The following BAIAP2 variants were observed in gnomAD, a reference collection of about 807,000 sequenced individuals.
BAIAP2 encodes BAR/IMD domain-containing adapter protein 2.
A neutral mutation model predicts 63.0 loss-of-function variants in BAIAP2; 18 were observed. That is an observed-to-expected ratio of 0.29 (90% confidence interval 0.20 to 0.42). The LOEUF is 0.42. BAIAP2 is among the 10% of genes least tolerant of loss of function. The pLI is 1.00. For synonymous variants in BAIAP2, 386 were observed against 307.6 expected, an observed-to-expected ratio of 1.25 and a Z score of -2.67; for missense variants, 610 against 734.3, an observed-to-expected ratio of 0.83 and a Z score of 1.96.
At chr17:81,068,619 G>A (rs1015159068) in intron 3 of BAIAP2, among the ~76,000 whole-genome samples, 3 of 152,226 alleles carry the variant, frequency 2.0e-5, no homozygotes, top group Middle Eastern at 3.2e-3. Flanking sequence ...ACTGGAGCCC[G>A]TCTCAGGTGG....
rs527291901 is a variant in BAIAP2, at chr17:81,037,963, C to T, written c.54+2655C>T. 2.0e-4 allele frequency among the ~76,000 whole-genome samples: 30 copies of T among 152,338 alleles called. No homozygotes were observed. The South Asian group carries it at 3.3e-3, about 17-fold the overall frequency. On this transcript the variant is annotated intron_variant, in intron 1 of 13. Coordinates refer to ENST00000428708, the MANE Select transcript of BAIAP2 (RefSeq NM_001144888.2). ...TCCATTCCCTTGGGAGCTGTGTCCT[C>T]GGGGAATTTCATGGAAGATGAAGGG...
At position 81,106,769 on chromosome 17, in the gene BAIAP2, C is replaced by T. The variant is rs1277725947; in HGVS notation, c.1362C>T (p.Ser454=). The stretch of plus-strand genomic sequence containing the variant: ...GCCTGCAGCAAGGGAAGAGCAGCAG[C>T]ACGGGCAACCTCCTGGACAAGGACG... ...HMSLQQGKSS[S]TGNLLDKDDL... Residue 454 remains serine, a synonymous_variant, in exon 12 of 14, where the codon AGC becomes AGT. Coordinates refer to ENST00000428708, the MANE Select transcript of BAIAP2 (RefSeq NM_001144888.2). 13 of 1,612,536 alleles carry T rather than the reference C, an allele frequency of 8.1e-6. No individual in the cohort carries two copies. The East Asian group carries it at 1.3e-4, about 17-fold the overall frequency.
intron 6 of BAIAP2, among the ~76,000 whole-genome samples, chr17:81,095,917 ACT>A (rs1173581396): frequency 6.6e-6 from 1 of 151,470 alleles, no homozygotes; most frequent in Non-Finnish European, 1.5e-5. Context: ...CCCTCGCTGT[ACT>A]CTCCCCTGGG....
intron 3 of BAIAP2, among the ~76,000 whole-genome samples, chr17:81,074,913 G>A (rs965554908): frequency 6.6e-6 from 1 of 152,262 alleles, no homozygotes; most frequent in African/African-American, 2.4e-5. Flanking sequence ...TGTTTGCTCT[G>A]CTATCCCTGC....
At chr17:81,047,173 G>A (rs2047934133) in intron 1 of BAIAP2, among the ~76,000 whole-genome samples, 1 of 152,194 alleles carries the variant, frequency 6.6e-6, no homozygotes, top group Admixed American at 6.5e-5. Context: ...GTGGCCTTTG[G>A]GAGCATGTCA....
Position 81,115,909 on chromosome 17 carries a change from A to G in BAIAP2, c.*70A>G. On this transcript the variant is annotated 3_prime_UTR_variant, in exon 14 of 14. Coordinates refer to ENST00000428708, the MANE Select transcript of BAIAP2 (RefSeq NM_001144888.2). ...TTCCCATGTAGCCTGTTCTGTCATC[A>G]TCTGTGCGTTCCTGTGTAGAGAACA... 1.3e-6 allele frequency: 2 copies of G among 1,598,728 alleles called. No homozygotes were observed. The highest frequency in any genetic ancestry group is 1.7e-6 in the Non-Finnish European group (2 of 1,173,266).
intron 13 of BAIAP2, chr17:81,109,648 G>A: frequency 1.0e-6 from 1 of 985,384 alleles, no homozygotes; most frequent in Non-Finnish European, 1.2e-6. Flanking sequence ...GCCGGGCCCG[G>A]GCACCTGAGG....
At chr17:81,047,358 G>A (rs976301416) in intron 1 of BAIAP2, among the ~76,000 whole-genome samples, 1 of 152,190 alleles carries the variant, frequency 6.6e-6, no homozygotes, top group African/African-American at 2.4e-5. Context: ...GGAGGGGCTG[G>A]GTGAGGATTA....
chr17:81,081,326 C>G (rs551051495), intron 3 of BAIAP2, among the ~76,000 whole-genome samples: 58 of 152,336 alleles, frequency 3.8e-4, no homozygotes, highest in Non-Finnish European at 7.8e-4. Flanking sequence ...GCTTCCTGAT[C>G]CTGCTCCTCA....
chr17:81,116,095 G>A lies in BAIAP2; in HGVS notation c.*256G>A, dbSNP rs1029324866. 5.0e-5 allele frequency: 76 copies of A among 1,526,128 alleles called. No individual in the cohort carries two copies. In the African/African-American group the frequency reaches 6.2e-4, roughly 12 times the overall value. The allele number at this position is 1,526,128 out of a possible 1,614,324, so 94.5% of individuals were successfully genotyped here. A position where few individuals can be genotyped will look rare whatever the true frequency, so the allele number is the denominator to read the frequency against. Reference sequence around the variant, plus strand: ...GAGGGGCCGCCTCTTGAGGGTACACGCCTCTGGTCACATGGCCATGGAGCC... The same window carrying A: ...GAGGGGCCGCCTCTTGAGGGTACACACCTCTGGTCACATGGCCATGGAGCC... On this transcript the variant is annotated 3_prime_UTR_variant, in exon 14 of 14. Transcript: ENST00000428708.
chr17:81,042,844 T>C (rs1398441352), intron 1 of BAIAP2, among the ~76,000 whole-genome samples: 1 of 151,342 alleles, frequency 6.6e-6, no homozygotes, highest in Non-Finnish European at 1.5e-5. Context: ...GCGGGCAGAG[T>C]GGCCTTGCTG....
chr17:81,069,500 C>T (rs780021778), intron 3 of BAIAP2, among the ~76,000 whole-genome samples: 7 of 152,218 alleles, frequency 4.6e-5, no homozygotes, highest in South Asian at 2.1e-4. Flanking sequence ...CGGCGGCCCC[C>T]GCTCATGCCA....
chr17:81,047,135 T>C (rs1354846962), intron 1 of BAIAP2, among the ~76,000 whole-genome samples: 2 of 151,816 alleles, frequency 1.3e-5, no homozygotes, highest in Non-Finnish European at 2.9e-5. Context: ...GTGGATCGAG[T>C]CACCCTTTTT....
At chr17:81,078,653 G>C (rs1189939484) in intron 3 of BAIAP2, among the ~76,000 whole-genome samples, 1 of 150,860 alleles carries the variant, frequency 6.6e-6, no homozygotes, top group Non-Finnish European at 1.5e-5. Context: ...TCCGAGCTGG[G>C]TGCTGTGGGT....
chr17:81,103,530 C>T lies in BAIAP2; in HGVS notation c.671C>T (p.Pro224Leu), dbSNP rs369167632. ...KGKELLAQKL[P>L]LWQQACADPS... ...AAGGAGCTGCTGGCGCAGAAGCTGC[C>T]GCTGTGGCAACAGGCCTGTGCCGAC... is the stretch of plus-strand genomic sequence containing the variant. Residue 224 changes from proline (P) to leucine (L), a missense_variant, in exon 8 of 14, where the codon CCG becomes CTG. Physicochemically the swap from Pro to Leu is moderately conservative, Grantham distance 98 (BLOSUM62 -3). Around this residue, in one of 5 missense-constraint regions of BAIAP2, gnomAD observed 389 missense variants for 455.6 expected, o/e 0.85. Transcript: ENST00000428708. 3.3e-5 allele frequency: 53 copies of T among 1,589,506 alleles called. No homozygotes were observed. Among genetic ancestry groups the T allele is most frequent in the South Asian group, 7.8e-5 (7 of 89,410 alleles).
chr17:81,052,373 C>G (rs369255472), intron 1 of BAIAP2, among the ~76,000 whole-genome samples: 1 of 152,258 alleles, frequency 6.6e-6, no homozygotes, highest in Non-Finnish European at 1.5e-5. Context: ...CCCCCACCCC[C>G]GTGCACGTGG....
chr17:81,088,787 T>C (rs1308349231), intron 6 of BAIAP2, among the ~76,000 whole-genome samples: 1 of 152,162 alleles, frequency 6.6e-6, no homozygotes, highest in African/African-American at 2.4e-5. Flanking sequence ...GCCAGGGCCG[T>C]CTCCCTGGCA....
At chr17:81,104,798 C>T (rs1049962043) in intron 10 of BAIAP2, 83 bp downstream of exon 10, 8 of 1,395,822 alleles carry the variant, frequency 5.7e-6, no homozygotes, top group Non-Finnish European at 6.8e-6. Flanking sequence ...TGCACTGAGA[C>T]CTTGTGTTTA....
chr17:81,057,487 T>A (rs2049785041), intron 2 of BAIAP2: 2 of 209,386 alleles, frequency 9.6e-6, no homozygotes. Context: ...TGTGGGGAAA[T>A]GGCTTCCTAC....
Sources: allele counts gnomAD v4.1 joint callset (sites outside exome capture counted in the v4.1 genomes callset), GRCh38; gene constraint gnomAD v4.1.1; regional missense constraint gnomAD v4.1.1; transcripts MANE v1.5; gene names NCBI Gene and HGNC (gene_info 2026-07-23, HGNC 2026-07-21).